Variants in FAR2 observed in about 807,000 individuals in gnomAD.
The protein encoded by FAR2 is fatty acyl-CoA reductase 2, also known as epididymis secretory protein Li 81.
A neutral mutation model predicts 56.0 loss-of-function variants in FAR2; 19 were observed. The observed-to-expected ratio is 0.34, with a 90% CI of 0.24 to 0.50. FAR2 has a LOEUF of 0.50. Ranked by LOEUF, FAR2 falls within the 20% of genes least tolerant of loss-of-function variation. The pLI is 0.98. For missense variants in FAR2, 508 were observed against 642.2 expected, an observed-to-expected ratio of 0.79 and a Z score of 2.26; for synonymous variants, 219 against 218.8, an observed-to-expected ratio of 1.00 and a Z score of -0.01.
intron 1 of FAR2, among the ~76,000 whole-genome samples, chr12:29,207,922 CCAGGCATGGTGGCT>C (rs1947495010): frequency 6.6e-6 from 1 of 152,150 alleles, no homozygotes; most frequent in Non-Finnish European, 1.5e-5. Context: ...CTTATTTAGG[CCAGGCATGGTGGCT>C]CACACCTGTG....
chr12:29,172,064 G>C (rs1391610605), intron 1 of FAR2: 1 of 151,812 alleles, frequency 6.6e-6, no homozygotes, highest in Non-Finnish European at 1.5e-5. Context: ...TGGGAAGTGA[G>C]GAGCGCCTCT....
At chr12:29,321,665 A>C in intron 9 of FAR2, 130 bp from the exon 10 acceptor site, 7 of 1,077,710 alleles carry the variant, frequency 6.5e-6, no homozygotes, top group Non-Finnish European at 9.0e-6. Flanking sequence ...AAAAAAGAAG[A>C]AGAATTTTAA....
At chr12:29,183,359 C>T (rs1406164007) in intron 1 of FAR2, among the ~76,000 whole-genome samples, 1 of 152,152 alleles carries the variant, frequency 6.6e-6, no homozygotes, top group East Asian at 1.9e-4. Context: ...ATCAATGACT[C>T]ACAAACATAA....
chr12:29,271,046 G>A (rs11050164), intron 2 of FAR2, among the ~76,000 whole-genome samples: 8,155 of 152,218 alleles, frequency 0.054, 521 homozygotes, highest in African/African-American at 0.15. Flanking sequence ...GGGAGCAGAT[G>A]TGACTACTAA....
chr12:29,228,721 G>A (rs148929260), intron 1 of FAR2, among the ~76,000 whole-genome samples: 2,462 of 152,244 alleles, frequency 0.016, 55 homozygotes, highest in African/African-American at 0.049. Context: ...CTGAGTAGCT[G>A]GGACCACAGG....
intron 4 of FAR2, among the ~76,000 whole-genome samples, chr12:29,299,167 T>G (rs772759059): frequency 2.1e-5 from 3 of 142,626 alleles, no homozygotes; most frequent in South Asian, 2.1e-4. Context: ...GAGCTGAGAT[T>G]GCACCATTGC....
intron 1 of FAR2, among the ~76,000 whole-genome samples, chr12:29,184,298 C>T (rs781503656): frequency 1.3e-5 from 2 of 151,942 alleles, no homozygotes; most frequent in Non-Finnish European, 2.9e-5. Flanking sequence ...GGTAAATTGT[C>T]ACTGAATTCT....
intron 1 of FAR2, among the ~76,000 whole-genome samples, chr12:29,244,077 C>A (rs1274980626): frequency 6.6e-6 from 1 of 152,166 alleles, no homozygotes; most frequent in African/African-American, 2.4e-5. Context: ...GTAGACATTA[C>A]CTTTCCTATT....
chr12:29,264,674 AG>A lies in FAR2; in HGVS notation c.-38-5736del, dbSNP rs564817566. Among the ~76,000 whole-genome samples, 823 of 148,788 alleles carry A rather than the reference AG, an allele frequency of 5.5e-3. 10 individuals carry two copies. Among genetic ancestry groups the A allele is most frequent in the Middle Eastern group, 0.034 (10 of 292 alleles). On this transcript the variant is annotated intron_variant, in intron 1 of 11. Coordinates refer to ENST00000536681, the MANE Select transcript of FAR2 (RefSeq NM_001271783.2). ...AAATAAATAAAGGAGAGAGAGAGAG[AG>A]GAGGAGAGGGAGAGGGAGAAAGAGA...
intron 1 of FAR2, among the ~76,000 whole-genome samples, chr12:29,205,324 T>C (rs1471023507): frequency 6.6e-6 from 1 of 152,234 alleles, no homozygotes; most frequent in Non-Finnish European, 1.5e-5. Flanking sequence ...AGCATTATTT[T>C]ATCTAGTCTC....
chr12:29,320,994 C>A (rs1346607379), intron 9 of FAR2, among the ~76,000 whole-genome samples: 1 of 152,044 alleles, frequency 6.6e-6, no homozygotes, highest in Non-Finnish European at 1.5e-5. Flanking sequence ...AAACTGCAGA[C>A]TTACCTAACA....
chr12:29,310,879 C>A, intron 6 of FAR2, 149 bp from the exon 7 acceptor site: 1 of 626,888 alleles, frequency 1.6e-6, no homozygotes, highest in Non-Finnish European at 2.8e-6. Flanking sequence ...CTGAGGAAGT[C>A]AGACTTAGCA....
rs1949765245 is a variant in FAR2 at position 29,333,871 on chromosome 12, A to G, written c.*77A>G. The G allele has an allele frequency of 7.2e-7, 1 of 1,387,880 alleles. No homozygotes were observed. 86.0% of individuals were successfully genotyped at this position (1,387,880 alleles called of 1,614,324 possible). On this transcript the variant is annotated 3_prime_UTR_variant, in exon 12 of 12. Coordinates refer to ENST00000536681, the MANE Select transcript of FAR2 (RefSeq NM_001271783.2). ...AGCAAACTGTGATTCTCAAGATTAG[A>G]AAGTAACAAGGAATATGCCCAAACT...
chr12:29,324,882 C>T (rs1263663995), intron 10 of FAR2, among the ~76,000 whole-genome samples: 4 of 152,194 alleles, frequency 2.6e-5, no homozygotes, highest in Admixed American at 6.5e-5. Context: ...ATGACAGGCT[C>T]AAATTCACAC....
At chr12:29,191,558 A>T (rs994285555) in intron 1 of FAR2, among the ~76,000 whole-genome samples, 1 of 152,246 alleles carries the variant, frequency 6.6e-6, no homozygotes, top group Non-Finnish European at 1.5e-5. Context: ...AACAAATGCA[A>T]CATAATAGCC....
In FAR2 at chr12:29,334,049, C is replaced by G; in HGVS notation, c.*255C>G. The G allele has an allele frequency of 3.2e-6, 1 of 310,242 alleles. No homozygotes were observed. The highest frequency in any genetic ancestry group is 5.9e-6 in the Non-Finnish European group (1 of 169,468). The allele number at this position is 310,242 out of a possible 1,614,324, so 19.2% of individuals were successfully genotyped here. A position where few individuals can be genotyped will look rare whatever the true frequency, so the allele number is the denominator to read the frequency against. ...CCTAACATTCTATTTTATGCCCTTG[C>G]GTATTAAACGTGAAAGTACTCCCAC... On this transcript the variant is annotated 3_prime_UTR_variant, in exon 12 of 12. Transcript: ENST00000536681.
chr12:29,245,142 A>ACCTG (rs1948106556), intron 1 of FAR2, among the ~76,000 whole-genome samples: 1 of 152,028 alleles, frequency 6.6e-6, no homozygotes, highest in Admixed American at 6.6e-5. Context: ...CACCAGTCCC[A>ACCTG]GCTGATTTTT....
At chr12:29,177,448 G>A (rs909480269) in intron 1 of FAR2, among the ~76,000 whole-genome samples, 11 of 152,306 alleles carry the variant, frequency 7.2e-5, no homozygotes, top group Middle Eastern at 3.4e-3. Context: ...AGTGTGGATA[G>A]AAGAATGATG....
intron 1 of FAR2, among the ~76,000 whole-genome samples, chr12:29,259,232 A>T (rs1490911857): frequency 1.3e-5 from 2 of 152,338 alleles, no homozygotes; most frequent in Non-Finnish European, 2.9e-5. Context: ...AGATAGGGTC[A>T]GGTGGGTGTA....
Sources: allele counts gnomAD v4.1 joint callset (sites outside exome capture counted in the v4.1 genomes callset), GRCh38; gene constraint gnomAD v4.1.1; transcripts MANE v1.5; gene names NCBI Gene and HGNC (gene_info 2026-07-23, HGNC 2026-07-21).